ZNF423: variants seen among roughly 807,000 people sequenced by gnomAD.
ZNF423 encodes the protein Ebf-associated zinc finger protein.
A neutral mutation model predicts 95.8 loss-of-function variants in ZNF423; 12 were observed. The ratio of observed to expected loss-of-function variants is 0.13; its 90% CI spans 0.08 to 0.20. ZNF423 has a LOEUF of 0.20. Among genes scored for constraint, ZNF423 ranks in the 10% least tolerant of loss-of-function variants. The probability of loss-of-function intolerance (pLI) is 1.00; values close to 1 mark genes in which losing one functional copy is unlikely to be tolerated. For missense variants in ZNF423, 1,316 were observed against 1,737.1 expected, an observed-to-expected ratio of 0.76 and a Z score of 4.31; for synonymous variants, 749 against 711.9, an observed-to-expected ratio of 1.05 and a Z score of -0.83.
chr16:49,723,432 G>C (rs1404210570), intron 3 of ZNF423, among the ~76,000 whole-genome samples: 1 of 152,030 alleles, frequency 6.6e-6, no homozygotes, highest in Non-Finnish European at 1.5e-5. Flanking sequence ...TTTTTGTGTT[G>C]ATTTATTGGC....
chr16:49,825,698 T>C (rs2034998178), intron 1 of ZNF423, among the ~76,000 whole-genome samples: 2 of 152,322 alleles, frequency 1.3e-5, no homozygotes, highest in East Asian at 3.9e-4. Flanking sequence ...TAGATTGTAG[T>C]GGGTGCCTCC....
intron 5 of ZNF423, among the ~76,000 whole-genome samples, chr16:49,580,742 G>T (rs1970644151): frequency 6.6e-6 from 1 of 152,162 alleles, no homozygotes; most frequent in Non-Finnish European, 1.5e-5. Flanking sequence ...AGGCCCCAGA[G>T]ATTCCACATT....
At chr16:49,597,804 T>C (rs2049829304) in intron 5 of ZNF423, among the ~76,000 whole-genome samples, 1 of 152,210 alleles carries the variant, frequency 6.6e-6, no homozygotes, top group Admixed American at 6.5e-5. Flanking sequence ...TCAGAGATTA[T>C]ATTACTATTG....
chr16:49,547,797 G>T (rs913308834), intron 5 of ZNF423, among the ~76,000 whole-genome samples: 1 of 152,326 alleles, frequency 6.6e-6, no homozygotes, highest in Non-Finnish European at 1.5e-5. Context: ...GCAACCACAC[G>T]CCTGGCATCT....
chr16:49,850,454 C>T (rs1301817667), intron 1 of ZNF423, among the ~76,000 whole-genome samples: 1 of 152,240 alleles, frequency 6.6e-6, no homozygotes, highest in East Asian at 1.9e-4. Context: ...GGGGACCCCA[C>T]TAACAGTTTT....
chr16:49,545,011 C>G (rs956990163), intron 5 of ZNF423, among the ~76,000 whole-genome samples: 3 of 152,234 alleles, frequency 2.0e-5, no homozygotes, highest in African/African-American at 7.2e-5. Context: ...ACTATGGGGC[C>G]GGTGCCGTTA....
intron 3 of ZNF423, among the ~76,000 whole-genome samples, chr16:49,657,728 G>A (rs1456353868): frequency 2.0e-5 from 3 of 152,214 alleles, no homozygotes; most frequent in Non-Finnish European, 2.9e-5. Flanking sequence ...TGTCTCCTCC[G>A]TCCTACTTCC....
intron 1 of ZNF423, among the ~76,000 whole-genome samples, chr16:49,839,011 C>T (rs1302383007): frequency 7.9e-5 from 12 of 151,318 alleles, no homozygotes; most frequent in African/African-American, 2.7e-4. Context: ...GCGGGAAGAG[C>T]CCCGAGGCCC....
At chr16:49,695,769 T>C (rs149151387) in intron 3 of ZNF423, among the ~76,000 whole-genome samples, 4 of 152,090 alleles carry the variant, frequency 2.6e-5, no homozygotes, top group African/African-American at 7.2e-5. Flanking sequence ...GCAAAAAGAG[T>C]ACTCGCTCTG....
intron 7 of ZNF423, among the ~76,000 whole-genome samples, chr16:49,508,653 C>T (rs571364640): frequency 8.7e-4 from 133 of 152,166 alleles, no homozygotes; most frequent in Middle Eastern, 3.4e-3. Context: ...AGTGACTTCT[C>T]CTTGTGCGTC....
chr16:49,679,973 G>A (rs562374025), intron 3 of ZNF423, among the ~76,000 whole-genome samples: 7 of 152,274 alleles, frequency 4.6e-5, no homozygotes, highest in African/African-American at 7.2e-5. Context: ...TACCCACTTC[G>A]GGTCTCCTGA....
intron 1 of ZNF423, among the ~76,000 whole-genome samples, chr16:49,792,284 A>T (rs752767834): frequency 6.6e-6 from 1 of 152,180 alleles, no homozygotes; most frequent in Non-Finnish European, 1.5e-5. Context: ...ACTGAACTTG[A>T]GGATGCCCCA....
intron 2 of ZNF423, among the ~76,000 whole-genome samples, chr16:49,783,629 A>AG (rs1392247933): frequency 2.8e-5 from 1 of 35,926 alleles, no homozygotes; most frequent in African/African-American, 1.2e-4. Context: ...GGCGGGAGAG[A>AG]GGGGGGGTTA....
intron 3 of ZNF423, among the ~76,000 whole-genome samples, chr16:49,718,756 G>A (rs2032780602): frequency 6.6e-6 from 1 of 152,178 alleles, no homozygotes. Context: ...GGTGGAAGGA[G>A]CTGGGCAGTC....
chr16:49,819,079 C>T (rs905352616), intron 1 of ZNF423, among the ~76,000 whole-genome samples: 1 of 151,496 alleles, frequency 6.6e-6, no homozygotes, highest in African/African-American at 2.4e-5. Flanking sequence ...GGTGAAACCC[C>T]GTCTCTACTA....
At position 49,635,524 on chromosome 16, in the gene ZNF423, C is replaced by A; in HGVS notation, c.3516+136G>T. On this transcript the variant is annotated intron_variant, in intron 4 of 7. Transcript: ENST00000563137. This position sits in a 1 kb window ranked among gnomAD's most constrained non-coding sequence, Gnocchi z 4.8. ...AGGTTCAAACTCAAGGAGTCTACAG[C>A]ACAGCAGTTCTGTTTTGCCACTGCG... The A allele has an allele frequency of 8.7e-7, 1 of 1,144,998 alleles. No individual in the cohort carries two copies. The highest frequency in any genetic ancestry group is 1.2e-6 in the Non-Finnish European group (1 of 843,930). 70.9% of individuals were successfully genotyped at this position (1,144,998 alleles called of 1,614,324 possible). A position where few individuals can be genotyped will look rare whatever the true frequency, so the allele number is the denominator to read the frequency against.
intron 1 of ZNF423, among the ~76,000 whole-genome samples, chr16:49,828,840 A>G (rs749855555): frequency 1.8e-4 from 28 of 152,090 alleles, no homozygotes; most frequent in Non-Finnish European, 4.0e-4. Flanking sequence ...CTCTTTCTCT[A>G]CCCCCAGGGA....
At chr16:49,797,144 A>G (rs1376343366) in intron 1 of ZNF423, among the ~76,000 whole-genome samples, 4 of 152,108 alleles carry the variant, frequency 2.6e-5, no homozygotes, top group African/African-American at 9.7e-5. Context: ...GGTAAAGGGG[A>G]CAGCGAGAGA....
intron 5 of ZNF423, among the ~76,000 whole-genome samples, chr16:49,575,058 G>A (rs943537828): frequency 4.6e-5 from 7 of 152,162 alleles, no homozygotes; most frequent in African/African-American, 1.7e-4. Flanking sequence ...TCGAGGGGTC[G>A]GGCCCATACC....
Sources: gnomAD v4.1 joint callset for allele counts (sites outside exome capture counted in the v4.1 genomes callset) on GRCh38, gnomAD v4.1.1 for gene constraint, Gnocchi (gnomAD v3.1) non-coding constraint, MANE v1.5 for transcripts, NCBI Gene and HGNC (gene_info 2026-07-23, HGNC 2026-07-21) for gene names.